The following AHI1 variants were observed in gnomAD, a reference collection of about 807,000 sequenced individuals.
AHI1 encodes jouberin.
Under a neutral mutation model 149.3 loss-of-function variants are expected in AHI1, and 123 were observed. The observed-to-expected ratio is 0.82, with a 90% confidence interval of 0.71 to 0.96. The LOEUF (loss-of-function observed/expected upper bound fraction) is 0.96. Ranked by LOEUF, AHI1 falls within the 40% of genes least tolerant of loss-of-function variation. The probability of loss-of-function intolerance (pLI) is 0.00; values close to 1 mark genes in which losing one functional copy is unlikely to be tolerated. For synonymous variants in AHI1, 475 were observed against 459.8 expected, an observed-to-expected ratio of 1.03 and a Z score of -0.42; for missense variants, 1,439 against 1,422.7, an observed-to-expected ratio of 1.01 and a Z score of -0.18.
At chr6:135,320,983 C>A (rs867703914) in intron 25 of AHI1, among the ~76,000 whole-genome samples, 2 of 152,296 alleles carry the variant, frequency 1.3e-5, no homozygotes, top group South Asian at 2.1e-4. Context: ...TATATGCTGT[C>A]TTATACCTAC....
At chr6:135,308,240 C>T (rs1345100104) in intron 26 of AHI1, among the ~76,000 whole-genome samples, 2 of 152,044 alleles carry the variant, frequency 1.3e-5, no homozygotes, top group Admixed American at 6.6e-5. Context: ...GTTAATCCTC[C>T]GCTTTTTTTT....
intron 23 of AHI1, among the ~76,000 whole-genome samples, chr6:135,363,849 G>A (rs1265241240): frequency 1.3e-5 from 2 of 149,620 alleles, no homozygotes; most frequent in Admixed American, 6.6e-5. Flanking sequence ...GCCGGGCAGA[G>A]GCGCCCCTCA....
chr6:135,477,828 C>T (rs529043924), intron 5 of AHI1, among the ~76,000 whole-genome samples: 48 of 152,228 alleles, frequency 3.2e-4, no homozygotes, highest in Non-Finnish European at 5.4e-4. Context: ...ACCCAGTCTC[C>T]GCTCTGTTGC....
intron 13 of AHI1, among the ~76,000 whole-genome samples, chr6:135,443,136 T>C (rs376021098): frequency 6.6e-6 from 1 of 152,212 alleles, no homozygotes; most frequent in East Asian, 1.9e-4. Context: ...TAAGCCAGAA[T>C]GTATGAATGC....
At chr6:135,357,456 C>T (rs926963399) in intron 24 of AHI1, among the ~76,000 whole-genome samples, 3 of 152,124 alleles carry the variant, frequency 2.0e-5, no homozygotes, top group Admixed American at 2.0e-4. Context: ...CACTTCTGGT[C>T]CTAAGCATTT....
intron 24 of AHI1, among the ~76,000 whole-genome samples, chr6:135,337,770 G>GAAA (rs59397034): frequency 0.016 from 1,942 of 120,990 alleles, 77 homozygotes; most frequent in African/African-American, 0.054. Flanking sequence ...GTCTCAAAAA[G>GAAA]AAAAAAAAAA....
At chr6:135,453,655 T>C (rs377129490) in intron 10 of AHI1, among the ~76,000 whole-genome samples, 5 of 152,216 alleles carry the variant, frequency 3.3e-5, no homozygotes, top group South Asian at 2.1e-4. Flanking sequence ...ATAAATACTA[T>C]GATTTATTTC....
At chr6:135,380,036 C>T (rs981698565) in intron 23 of AHI1, among the ~76,000 whole-genome samples, 8 of 144,436 alleles carry the variant, frequency 5.5e-5, no homozygotes, top group Non-Finnish European at 1.1e-4. Flanking sequence ...TCCTTCCTCC[C>T]TCCCTCCCTC....
intron 23 of AHI1, among the ~76,000 whole-genome samples, chr6:135,366,108 T>C (rs540094397): frequency 3.3e-5 from 5 of 152,358 alleles, no homozygotes; most frequent in South Asian, 2.1e-4. Flanking sequence ...ATCACACTTA[T>C]TGACTTGCAT....
Position 135,292,943 on chromosome 6 carries a change from A to T in AHI1, c.3486-2418T>A, listed in dbSNP as rs528571693. ...ATCAAAATCAGCTTAAGATGTTACA[A>T]AAAAATTACAGACCCATATTTCTCA... On this transcript the variant is annotated intron_variant, in intron 27 of 28. Transcript: ENST00000265602. 4.6e-5 allele frequency among the ~76,000 whole-genome samples: 7 copies of T among 152,328 alleles called. No homozygotes were observed. The South Asian group carries it at 1.5e-3, about 32-fold the overall frequency.
intron 23 of AHI1, among the ~76,000 whole-genome samples, chr6:135,379,355 C>T (rs1485144402): frequency 6.6e-6 from 1 of 152,110 alleles, no homozygotes; most frequent in Non-Finnish European, 1.5e-5. Flanking sequence ...TTTAACATCT[C>T]CACTCTCTTA....
intron 11 of AHI1, among the ~76,000 whole-genome samples, chr6:135,448,854 T>G (rs970528014): frequency 6.6e-6 from 1 of 152,240 alleles, no homozygotes; most frequent in Non-Finnish European, 1.5e-5. Context: ...AATCTTCCAT[T>G]TGTTTAATAT....
At chr6:135,340,658 C>CATATATATATAT (rs71006759) in intron 24 of AHI1, among the ~76,000 whole-genome samples, 4 of 38,048 alleles carry the variant, frequency 1.1e-4, no homozygotes, top group African/African-American at 4.1e-4. Flanking sequence ...TACATACATA[C>CATATATATATAT]ATATATATAT....
intron 20 of AHI1, among the ~76,000 whole-genome samples, chr6:135,412,169 T>C (rs1781695267): frequency 6.6e-6 from 1 of 152,158 alleles, no homozygotes; most frequent in South Asian, 2.1e-4. Context: ...ATAAAAAATA[T>C]TCAGAAAAAA....
chr6:135,370,319 G>A (rs1774836292), intron 23 of AHI1, among the ~76,000 whole-genome samples: 1 of 152,144 alleles, frequency 6.6e-6, no homozygotes, highest in Non-Finnish European at 1.5e-5. Flanking sequence ...GGGGGACTTT[G>A]GGATTTAAAC....
intron 23 of AHI1, among the ~76,000 whole-genome samples, chr6:135,371,394 T>G (rs919003981): frequency 6.6e-6 from 1 of 152,194 alleles, no homozygotes; most frequent in Non-Finnish European, 1.5e-5. Flanking sequence ...TTCTTTCCTA[T>G]GTAAAGAACC....
At chr6:135,367,586 A>C (rs1774376481) in intron 23 of AHI1, among the ~76,000 whole-genome samples, 1 of 152,098 alleles carries the variant, frequency 6.6e-6, no homozygotes, top group African/African-American at 2.4e-5. Context: ...GGCTTGGGTC[A>C]ATTAGAAAGC....
intron 10 of AHI1, among the ~76,000 whole-genome samples, chr6:135,455,177 C>T (rs1428750552): frequency 6.6e-6 from 1 of 152,092 alleles, no homozygotes; most frequent in Non-Finnish European, 1.5e-5. Flanking sequence ...ACCTTGTTAT[C>T]ATTTTCAGTA....
At position 135,433,120 on chromosome 6, in the gene AHI1, A is replaced by G. The variant is rs863225144; in HGVS notation, c.2173T>C (p.Trp725Arg). 4 of 1,613,694 alleles carry G rather than the reference A, an allele frequency of 2.5e-6. No individual in the cohort carries two copies. The highest frequency in any genetic ancestry group is 1.1e-5 in the South Asian group (1 of 91,078). The part of the protein sequence containing the change: ...TGCYDSMIRI[W>R]KVEMREDSAI... ...GAATCTTCTCTCATCTCAACTTTCC[A>G]TATCCGTATCATGGAATCATAGCAT... Residue 725 changes from tryptophan to arginine, a missense_variant, in exon 16 of 29, where the codon TGG (tryptophan) becomes CGG (arginine). By Grantham distance (101) the Trp-to-Arg change is moderately radical (BLOSUM62 -3). Coordinates refer to ENST00000265602, the MANE Select transcript of AHI1 (RefSeq NM_001134831.2).
Sources: allele counts gnomAD v4.1 joint callset (sites outside exome capture counted in the v4.1 genomes callset), GRCh38; gene constraint gnomAD v4.1.1; transcripts MANE v1.5; gene names NCBI Gene and HGNC (gene_info 2026-07-23, HGNC 2026-07-21).